NTM: variants seen among roughly 807,000 people sequenced by gnomAD.
NTM encodes neurotrimin.
Under a neutral mutation model 42.1 loss-of-function variants are expected in NTM, and 13 were observed. The observed-to-expected ratio is 0.31, with a 90% CI of 0.20 to 0.49. The LOEUF (loss-of-function observed/expected upper bound fraction) is 0.49. NTM is among the 20% of genes least tolerant of loss of function. The probability of loss-of-function intolerance (pLI) is 0.99; values close to 1 mark genes in which losing one functional copy is unlikely to be tolerated. For synonymous variants in NTM, 187 were observed against 179.2 expected, an observed-to-expected ratio of 1.04 and a Z score of -0.35; for missense variants, 373 against 452.8, an observed-to-expected ratio of 0.82 and a Z score of 1.60.
Position 131,821,829 on chromosome 11 carries a change from A to G in NTM, c.83-89735A>G, listed in dbSNP as rs375075675. Among the ~76,000 whole-genome samples, 12 of 152,276 alleles carry G rather than the reference A, an allele frequency of 7.9e-5. No individual in the cohort carries two copies. In the East Asian group the frequency reaches 2.1e-3, roughly 27 times the overall value. On this transcript the variant is annotated intron_variant, in intron 1 of 8. Coordinates refer to ENST00000683400, the MANE Select transcript of NTM (RefSeq NM_001352005.2). ...TTTACACCATTGACTGATCCATGAT[A>G]GTTTAGAAAGGAAGCTGATTTCACA... is the stretch of plus-strand genomic sequence containing the variant.
chr11:132,049,791 C>G (rs116125000), intron 2 of NTM, among the ~76,000 whole-genome samples: 239 of 152,262 alleles, frequency 1.6e-3, no homozygotes, highest in African/African-American at 5.5e-3. Flanking sequence ...TTCAGTCTAG[C>G]TCAGTCATGA....
At chr11:131,671,643 G>C in intron 1 of NTM, 1 of 975,166 alleles carries the variant, frequency 1.0e-6, no homozygotes, top group South Asian at 4.7e-5. Context: ...AGCCCTGTGA[G>C]AACCACCAAG....
intron 4 of NTM, among the ~76,000 whole-genome samples, chr11:132,281,492 C>A (rs971451410): frequency 4.6e-5 from 7 of 152,204 alleles, no homozygotes; most frequent in African/African-American, 1.7e-4. Context: ...ATTTGTTCAT[C>A]TTCAAATCAT....
intron 1 of NTM, among the ~76,000 whole-genome samples, chr11:131,431,944 A>G (rs1049977780): frequency 1.3e-5 from 2 of 152,184 alleles, no homozygotes; most frequent in African/African-American, 4.8e-5. Flanking sequence ...TTGGAGTGGT[A>G]GAGGGAGGGA....
At chr11:132,102,761 G>A (rs2061780454) in intron 2 of NTM, among the ~76,000 whole-genome samples, 1 of 152,158 alleles carries the variant, frequency 6.6e-6, no homozygotes, top group African/African-American at 2.4e-5. Flanking sequence ...CCTGAGGGGA[G>A]AGATGCCATG....
chr11:131,525,919 G>A (rs87676), intron 1 of NTM, among the ~76,000 whole-genome samples: 32,545 of 152,082 alleles, frequency 0.21, 3,739 homozygotes, highest in African/African-American at 0.3. Flanking sequence ...ACAAGTAAAC[G>A]TTTCTATGCT....
intron 1 of NTM, among the ~76,000 whole-genome samples, chr11:131,666,390 G>T (rs2069052169): frequency 6.6e-6 from 1 of 152,182 alleles, no homozygotes; most frequent in Non-Finnish European, 1.5e-5. Flanking sequence ...CAGACTCATG[G>T]ATTCACTTCT....
At chr11:131,567,437 A>G (rs2057010386) in intron 1 of NTM, among the ~76,000 whole-genome samples, 1 of 152,140 alleles carries the variant, frequency 6.6e-6, no homozygotes, top group African/African-American at 2.4e-5. Flanking sequence ...GCAGTGAGGC[A>G]AGATTGCACC....
At chr11:131,658,080 GT>G (rs956304192) in intron 1 of NTM, among the ~76,000 whole-genome samples, 51 of 152,218 alleles carry the variant, frequency 3.4e-4, no homozygotes, top group African/African-American at 1.2e-3. Flanking sequence ...GGACAACATG[GT>G]TTTCTATTTC....
intron 2 of NTM, among the ~76,000 whole-genome samples, chr11:132,125,874 C>T (rs200202971): frequency 2.4e-5 from 1 of 40,982 alleles, no homozygotes; most frequent in Non-Finnish European, 5.2e-5. Flanking sequence ...GTGGTGTGTG[C>T]TGTGGTATGT....
At chr11:131,804,034 C>T (rs921442214) in intron 1 of NTM, among the ~76,000 whole-genome samples, 1 of 152,196 alleles carries the variant, frequency 6.6e-6, no homozygotes, top group Non-Finnish European at 1.5e-5. Context: ...TCTTCCTTGC[C>T]CCGACATAAA....
intron 2 of NTM, among the ~76,000 whole-genome samples, chr11:132,011,561 A>G (rs1010258701): frequency 2.0e-5 from 3 of 152,150 alleles, no homozygotes; most frequent in African/African-American, 7.2e-5. Flanking sequence ...TTGATTTACA[A>G]TTTTATTACT....
chr11:131,809,839 T>C (rs1016962739), intron 1 of NTM, among the ~76,000 whole-genome samples: 8 of 152,214 alleles, frequency 5.3e-5, no homozygotes, highest in Admixed American at 2.6e-4. Context: ...GGTGAGCTAT[T>C]GGGCTCTGCC....
intron 2 of NTM, among the ~76,000 whole-genome samples, chr11:132,025,840 TG>T (rs1219102492): frequency 6.6e-6 from 1 of 152,212 alleles, no homozygotes. Context: ...TCAAAGGCCA[TG>T]GGAGCAATTG....
intron 1 of NTM, among the ~76,000 whole-genome samples, chr11:131,725,536 C>T (rs1318930561): frequency 2.6e-5 from 4 of 152,032 alleles, no homozygotes; most frequent in African/African-American, 9.7e-5. Flanking sequence ...GGAAGCATCC[C>T]AGGCAGAGGA....
At chr11:131,841,645 G>T (rs146266407) in intron 1 of NTM, among the ~76,000 whole-genome samples, 5 of 152,158 alleles carry the variant, frequency 3.3e-5, no homozygotes, top group Admixed American at 3.3e-4. Context: ...GGAAATATAG[G>T]TGTGATAACT....
At chr11:131,598,875 TCTTCCTTC>T (rs869056003) in intron 1 of NTM, among the ~76,000 whole-genome samples, 1,271 of 34,982 alleles carry the variant, frequency 0.036, 203 homozygotes, top group African/African-American at 0.12. Flanking sequence ...CTTCCTTCCT[TCTTCCTTC>T]CTTCCTTCCT....
In NTM at chr11:131,654,608, T is replaced by A. The variant is rs114724746; in HGVS notation, c.83-256956T>A. Among the ~76,000 whole-genome samples, 627 of 152,174 alleles carry A rather than the reference T, an allele frequency of 4.1e-3. 5 individuals are homozygous for A. Among genetic ancestry groups the A allele is most frequent in the African/African-American group, 0.014 (582 of 41,520 alleles). On this transcript the variant is annotated intron_variant, in intron 1 of 8. Transcript: ENST00000683400. ...TGGAGGTGAGGCCTGGTGGGAGGTGTTGGGTAATGGGAGCGGATTCTTCGT... is the reference window on the plus strand; with the variant it reads ...TGGAGGTGAGGCCTGGTGGGAGGTGATGGGTAATGGGAGCGGATTCTTCGT...
intron 1 of NTM, among the ~76,000 whole-genome samples, chr11:131,807,851 C>A (rs553491296): frequency 1.1e-4 from 16 of 152,256 alleles, no homozygotes; most frequent in African/African-American, 3.6e-4. Context: ...ATAACGACTA[C>A]GACTGGAGTC....
Sources: allele counts gnomAD v4.1 joint callset (sites outside exome capture counted in the v4.1 genomes callset), GRCh38; gene constraint gnomAD v4.1.1; transcripts MANE v1.5; gene names NCBI Gene and HGNC (gene_info 2026-07-23, HGNC 2026-07-21).